Variants in AKIP1 observed in about 807,000 individuals in gnomAD.
AKIP1 encodes A-kinase-interacting protein 1.
In AKIP1, 18 loss-of-function variants were observed where a neutral mutation model predicts 22.3. That is an observed-to-expected ratio of 0.81 (90% CI 0.56 to 1.19). The LOEUF (loss-of-function observed/expected upper bound fraction) is 1.19. Ranked by LOEUF, AKIP1 falls within the 50% of genes most tolerant of loss-of-function variation. AKIP1 has a pLI of 0.00. For missense variants in AKIP1, 287 were observed against 264.6 expected, an observed-to-expected ratio of 1.08 and a Z score of -0.59; for synonymous variants, 120 against 102.7, an observed-to-expected ratio of 1.17 and a Z score of -1.02.
intron 2 of AKIP1, 51 bp downstream of exon 2, chr11:8,911,722 C>T: frequency 6.9e-7 from 1 of 1,448,568 alleles, no homozygotes; most frequent in African/African-American, 1.4e-5. Flanking sequence ...CCGCGGTAGC[C>T]CGCTGGGAGC....
chr11:8,915,693 C>T (rs539325586), intron 4 of AKIP1, among the ~76,000 whole-genome samples: 1 of 149,652 alleles, frequency 6.7e-6, no homozygotes, highest in East Asian at 2.0e-4. Context: ...AGGTGGAGTG[C>T]AGTGGTGCGA....
chr11:8,911,579 C>T lies in AKIP1; in HGVS notation c.130C>T (p.Arg44Cys). ...RRAVDWHALE[R>C]PKGCMGVLAR... ...GGCGGTGGACTGGCATGCCCTGGAG[C>T]GTCCCAAAGGCTGCATGGGGGTCCT... Residue 44 changes from arginine (R) to cysteine (C), a missense_variant, in exon 2 of 6, where the codon CGT becomes TGT. By Grantham distance (180) the Arg-to-Cys change is radical. Coordinates refer to ENST00000309377, the MANE Select transcript of AKIP1 (RefSeq NM_020642.4). The T allele has an allele frequency of 1.2e-6, 2 of 1,611,312 alleles. No homozygotes were observed. Among genetic ancestry groups the T allele is most frequent in the Non-Finnish European group, 1.7e-6 (2 of 1,179,170 alleles).
At chr11:8,912,614 C>A in intron 3 of AKIP1, 81 bp downstream of exon 3, 1 of 1,255,458 alleles carries the variant, frequency 8.0e-7, no homozygotes, top group Non-Finnish European at 1.2e-6. Flanking sequence ...TACGGAGAAT[C>A]TGGACACTAC....
In AKIP1 at chr11:8,919,520, A is replaced by T. The variant is rs748803111; in HGVS notation, c.*40A>T. The T allele has an allele frequency of 4.4e-6, 7 of 1,602,096 alleles. No homozygotes were observed. Among genetic ancestry groups the T allele is most frequent in the Non-Finnish European group, 6.0e-6 (7 of 1,174,004 alleles). On this transcript the variant is annotated 3_prime_UTR_variant, in exon 6 of 6. Coordinates refer to ENST00000309377, the MANE Select transcript of AKIP1 (RefSeq NM_020642.4). The stretch of plus-strand genomic sequence containing the variant: ...GCCATCACATCACCTTTTTTTAAGT[A>T]GTAAGAATAAAGCCACTGTATGATT...
Position 8,919,461 on chromosome 11 carries a change from AC to A in AKIP1, c.616del (p.Leu206TrpfsTer18). Reference sequence around the variant, plus strand: ...GCAGTTGATTCTGGACAAAGCGTGGACCTGGTCTTCCCTGTGTGATGTTGAC... The same window carrying A: ...GCAGTTGATTCTGGACAAAGCGTGGACTGGTCTTCCCTGTGTGATGTTGAC... ...VVAVDSGQSV[D>X]LVFPV On this transcript the variant is annotated frameshift_variant, in exon 6 of 6. Coordinates refer to ENST00000309377, the MANE Select transcript of AKIP1 (RefSeq NM_020642.4). LOFTEE classifies it high-confidence loss of function. The A allele has an allele frequency of 6.2e-7, 1 of 1,614,086 alleles. No individual in the cohort carries two copies. Among genetic ancestry groups the A allele is most frequent in the South Asian group, 1.1e-5 (1 of 91,054 alleles).
intron 3 of AKIP1, 42 bp from the exon 4 acceptor site, chr11:8,914,779 TGACAA>T (rs1477229502): frequency 6.7e-7 from 1 of 1,493,018 alleles, no homozygotes; most frequent in Non-Finnish European, 9.3e-7. Context: ...TTTGAAAATT[TGACAA>T]GACAATTTGG....
chr11:8,917,261 A>G, intron 4 of AKIP1, 26 bp from the exon 5 acceptor site: 1 of 1,518,892 alleles, frequency 6.6e-7, no homozygotes, highest in Non-Finnish European at 9.0e-7. Context: ...CTTGGGCACA[A>G]ATCAGTGTTC....
chr11:8,911,896 TA>T (rs34044522), intron 2 of AKIP1, among the ~76,000 whole-genome samples: 79 of 144,798 alleles, frequency 5.5e-4, no homozygotes, highest in African/African-American at 1.5e-3. Context: ...GTTGGTTACT[TA>T]AAAAAAAAAA....
chr11:8,919,357 C>T lies in AKIP1; in HGVS notation c.510C>T (p.Asp170=). The change falls in exon 6 of 6, where the codon GAC becomes GAT. Residue 170 remains aspartate (D), a synonymous_variant. Coordinates refer to ENST00000309377, the MANE Select transcript of AKIP1 (RefSeq NM_020642.4). ...TCTAGGCTGAGAACATCTCTAAGGA[C>T]CTCTACATAGAAGTATATCCAGGGA... The part of the protein sequence containing the change: ...ASQPAENISK[D]LYIEVYPGTY... 1 of 1,613,846 alleles carries T rather than the reference C, an allele frequency of 6.2e-7. No individual in the cohort carries two copies. Among genetic ancestry groups the T allele is most frequent in the Non-Finnish European group, 8.5e-7 (1 of 1,179,906 alleles).
chr11:8,912,324 A>T, intron 2 of AKIP1, 129 bp from the exon 3 acceptor site: 1 of 705,118 alleles, frequency 1.4e-6, no homozygotes, highest in Non-Finnish European at 2.5e-6. Context: ...CTTTCTCAAT[A>T]ACATCGTTCT....
At chr11:8,912,356 C>G (rs185701149) in intron 2 of AKIP1, 97 bp from the exon 3 acceptor site, 3 of 929,512 alleles carry the variant, frequency 3.2e-6, no homozygotes, top group African/African-American at 1.6e-5. Flanking sequence ...ACTTGCAGAG[C>G]CTTTCCAAAA....
intron 3 of AKIP1, among the ~76,000 whole-genome samples, chr11:8,914,165 G>A (rs2064441728): frequency 6.6e-6 from 1 of 152,196 alleles, no homozygotes; most frequent in East Asian, 1.9e-4. Flanking sequence ...TGCCTACCCT[G>A]TTCAAAACAA....
rs774242349 is a variant in AKIP1 at position 8,917,620 on chromosome 11, G to A, written c.489+253G>A. The A allele has an allele frequency of 1.7e-5, 9 of 530,774 alleles. No homozygotes were observed. In the South Asian group the frequency reaches 2.5e-4, roughly 15 times the overall value. The allele number at this position is 530,774 out of a possible 1,614,324, so 32.9% of individuals were successfully genotyped here. On this transcript the variant is annotated intron_variant, in intron 5 of 5. Transcript: ENST00000309377. The stretch of plus-strand genomic sequence containing the variant: ...TAGTTGTGGTTGGAAAGAATGTGAA[G>A]TATTCACCTCTCAGTTCCTACAGCT...
chr11:8,915,030 G>A (rs752486014), intron 4 of AKIP1, 100 bp downstream of exon 4: 21 of 851,184 alleles, frequency 2.5e-5, no homozygotes, highest in Non-Finnish European at 3.8e-5. Flanking sequence ...CTGGATGCCC[G>A]TGTGACTTGG....
chr11:8,917,310 C>A lies in AKIP1; in HGVS notation c.432C>A (p.Ser144=), dbSNP rs768713983. 6 of 1,610,416 alleles carry A rather than the reference C, an allele frequency of 3.7e-6. No homozygotes were observed. The South Asian group carries it at 6.6e-5, about 18-fold the overall frequency. ...NGQRKDRKKT[S]LGPGGSYQIS... Reference sequence around the variant, plus strand: ...AGAGAAAAGACAGAAAAAAGACATCCCTTGGTCCTGGAGGCAGCTATCAAA... The same window carrying A: ...AGAGAAAAGACAGAAAAAAGACATCACTTGGTCCTGGAGGCAGCTATCAAA... Residue 144 remains serine, a synonymous_variant, in exon 5 of 6, where the codon TCC becomes TCA. Transcript: ENST00000309377.
At chr11:8,912,650 G>T (rs1166531556) in intron 3 of AKIP1, 117 bp downstream of exon 3, 2 of 915,522 alleles carry the variant, frequency 2.2e-6, no homozygotes, top group East Asian at 2.6e-5. Flanking sequence ...AGCCTTCACG[G>T]TCAGATTGTA....
At chr11:8,917,523 G>A in intron 5 of AKIP1, 156 bp downstream of exon 5, 1 of 655,582 alleles carries the variant, frequency 1.5e-6, no homozygotes, top group Non-Finnish European at 2.8e-6. Flanking sequence ...TTTTGGTTCA[G>A]TGTAAAATTA....
intron 5 of AKIP1, chr11:8,917,708 C>T (rs1250259044): frequency 4.9e-6 from 2 of 407,466 alleles, no homozygotes; most frequent in Non-Finnish European, 8.7e-6. Context: ...AGGAGGGGCA[C>T]GATCCTCCTG....
intron 3 of AKIP1, among the ~76,000 whole-genome samples, chr11:8,913,536 T>C (rs1378569841): frequency 6.6e-6 from 1 of 152,168 alleles, no homozygotes; most frequent in African/African-American, 2.4e-5. Flanking sequence ...CCAGAAAACA[T>C]TCAAGGAAAT....
Sources: allele counts gnomAD v4.1 joint callset (sites outside exome capture counted in the v4.1 genomes callset), GRCh38; gene constraint gnomAD v4.1.1; transcripts MANE v1.5; gene names NCBI Gene and HGNC (gene_info 2026-07-23, HGNC 2026-07-21).